NDUFA9: variants seen among roughly 807,000 people sequenced by gnomAD.
NDUFA9 encodes the protein NADH:ubiquinone oxidoreductase subunit A9, also known as NADH dehydrogenase [ubiquinone] 1 alpha subcomplex subunit 9, mitochondrial.
NDUFA9 carries 23 observed loss-of-function variants against 45.9 expected under a neutral mutation model. The observed-to-expected ratio is 0.50, with a 90% CI of 0.36 to 0.71. The LOEUF (loss-of-function observed/expected upper bound fraction) is 0.71, where lower values mean the gene tolerates loss of function less well. Ranked by LOEUF, NDUFA9 falls within the 30% of genes least tolerant of loss-of-function variation. The pLI, the probability that NDUFA9 is intolerant of heterozygous loss-of-function variation, is 0.00. For missense variants in NDUFA9, 466 were observed against 488.2 expected (o/e 0.95, Z 0.43); for synonymous variants, 176 against 170.5 (o/e 1.03, Z -0.25).
At chr12:4,676,493 A>G (rs890723935) in intron 8 of NDUFA9, among the ~76,000 whole-genome samples, 2 of 152,230 alleles carry the variant, frequency 1.3e-5, no homozygotes, top group African/African-American at 4.8e-5. Context: ...CCATACACCA[A>G]TAACAGACAA....
At chr12:4,685,517 C>T (rs967188028) in intron 10 of NDUFA9, among the ~76,000 whole-genome samples, 192 bp downstream of exon 10, 34 of 152,072 alleles carry the variant, frequency 2.2e-4, no homozygotes, top group Admixed American at 1.5e-3. Flanking sequence ...ACTTTCTGTC[C>T]GTCATTATCA....
chr12:4,682,179 A>G, intron 8 of NDUFA9, 26 bp from the exon 9 acceptor site: 1 of 1,523,104 alleles, frequency 6.6e-7, no homozygotes, highest in Non-Finnish European at 9.0e-7. Context: ...GTGTAATTGA[A>G]AGAACTGTGT....
intron 4 of NDUFA9, among the ~76,000 whole-genome samples, chr12:4,658,136 G>C (rs1283222049): frequency 6.6e-6 from 1 of 152,166 alleles, no homozygotes; most frequent in East Asian, 1.9e-4. Context: ...TTAAGAAATA[G>C]GATTTTGCCT....
intron 4 of NDUFA9, 87 bp from the exon 5 acceptor site, chr12:4,658,949 A>G: frequency 1.5e-6 from 2 of 1,319,690 alleles, no homozygotes; most frequent in Non-Finnish European, 2.1e-6. Context: ...GAATTTCAGT[A>G]CTGTTATGAA....
intron 8 of NDUFA9, 67 bp downstream of exon 8, chr12:4,669,884 T>A: frequency 1.8e-6 from 2 of 1,131,344 alleles, no homozygotes; most frequent in Non-Finnish European, 2.7e-6. Flanking sequence ...CTAAATTAGT[T>A]ACTAACAGAT....
intron 8 of NDUFA9, among the ~76,000 whole-genome samples, chr12:4,678,584 A>G (rs1318014012): frequency 6.6e-6 from 1 of 152,224 alleles, no homozygotes; most frequent in African/African-American, 2.4e-5. Context: ...GAATATACAA[A>G]GAAATCTTAG....
At chr12:4,679,992 A>G (rs750235773) in intron 8 of NDUFA9, among the ~76,000 whole-genome samples, 27 of 152,230 alleles carry the variant, frequency 1.8e-4, no homozygotes, top group South Asian at 2.1e-4. Flanking sequence ...CATTTCTTCA[A>G]CTTTAACAAG....
intron 2 of NDUFA9, 117 bp from the exon 3 acceptor site, chr12:4,654,708 C>A: frequency 1.0e-6 from 1 of 993,328 alleles, no homozygotes; most frequent in Non-Finnish European, 1.5e-6. Context: ...TTCTTTTTGT[C>A]AAATATAATA....
Position 4,654,339 on chromosome 12 carries a change from T to C in NDUFA9, c.97T>C (p.Cys33Arg), listed in dbSNP as rs1392307506. 2 of 1,614,070 alleles carry C rather than the reference T, an allele frequency of 1.2e-6. No homozygotes were observed. The highest frequency in any genetic ancestry group is 2.2e-5 in the East Asian group (1 of 44,896). Residue 33 changes from cysteine to arginine, a missense_variant, in exon 2 of 11, where the codon TGT becomes CGT. By Grantham distance (180) the Cys-to-Arg change is radical. Coordinates refer to ENST00000266544, the MANE Select transcript of NDUFA9 (RefSeq NM_005002.5). Reference protein sequence around the residue: ...IATSVCHGPPCRQLHHALMPH... With the variant: ...IATSVCHGPPRRQLHHALMPH... ...CACATCTGTGTGTCACGGCCCACCC[T>C]GTCGCCAGCTTCATCATGCCCTCAT...
At chr12:4,654,571 C>G (rs1945778418) in intron 2 of NDUFA9, 109 bp downstream of exon 2, 1 of 1,283,586 alleles carries the variant, frequency 7.8e-7, no homozygotes, top group Non-Finnish European at 1.1e-6. Flanking sequence ...TGAATTACTC[C>G]TGTCTTGGAT....
At chr12:4,657,903 T>A in intron 4 of NDUFA9, 64 bp downstream of exon 4, 2 of 1,275,168 alleles carry the variant, frequency 1.6e-6, no homozygotes, top group Non-Finnish European at 2.3e-6. Context: ...GGACCTTCGC[T>A]GGGCACCTTT....
intron 8 of NDUFA9, among the ~76,000 whole-genome samples, chr12:4,670,387 C>A (rs897598609): frequency 2.0e-5 from 3 of 152,168 alleles, no homozygotes; most frequent in Admixed American, 2.0e-4. Context: ...AACTAAAAGT[C>A]AAAAACTAAG....
At chr12:4,666,683 A>T (rs1418364748) in intron 6 of NDUFA9, among the ~76,000 whole-genome samples, 3 of 152,218 alleles carry the variant, frequency 2.0e-5, no homozygotes, top group Non-Finnish European at 4.4e-5. Context: ...TTGACCATAT[A>T]TGCAAGAGTT....
intron 5 of NDUFA9, among the ~76,000 whole-genome samples, chr12:4,662,148 C>A (rs533813956): frequency 6.6e-6 from 1 of 152,354 alleles, no homozygotes; most frequent in South Asian, 2.1e-4. Context: ...ACTGGTGACA[C>A]TTCCATTATT....
rs1945808230 is a variant in NDUFA9 at position 4,659,084 on chromosome 12, T to C, written c.459T>C (p.Ala153=). The C allele has an allele frequency of 6.2e-7, 1 of 1,613,104 alleles. No individual in the cohort carries two copies. The highest frequency in any genetic ancestry group is 1.3e-5 in the African/African-American group (1 of 74,892). The stretch of plus-strand genomic sequence containing the variant: ...TTGTGAAGATTCCCCAAGCAATTGC[T>C]CAACTGTCCAAGGAAGCTGGAGTTG... ...DVFVKIPQAI[A]QLSKEAGVEK... Residue 153 remains alanine (A), a synonymous_variant, in exon 5 of 11, where the codon GCT becomes GCC. Transcript: ENST00000266544.
At chr12:4,659,261 T>G in intron 5 of NDUFA9, 84 bp downstream of exon 5, 1 of 1,228,038 alleles carries the variant, frequency 8.1e-7, no homozygotes. Flanking sequence ...TGAGAAGGGT[T>G]TATCACAGAC....
rs1006986410 is a variant in NDUFA9 at position 4,650,355 on chromosome 12, T to G, written c.49+1180T>G. 7.9e-5 allele frequency among the ~76,000 whole-genome samples: 12 copies of G among 152,342 alleles called. 1 individual carries two copies. The highest frequency in any genetic ancestry group is 2.9e-4 in the African/African-American group (12 of 41,582). ...GTCACAATGTCTTTGCAAAGACATT[T>G]GCTGGTTCTTGTTAAACTATTACAA... On this transcript the variant is annotated intron_variant, in intron 1 of 10. Coordinates refer to ENST00000266544, the MANE Select transcript of NDUFA9 (RefSeq NM_005002.5).
chr12:4,680,567 T>C (rs1355841423), intron 8 of NDUFA9, among the ~76,000 whole-genome samples: 1 of 152,214 alleles, frequency 6.6e-6, no homozygotes, highest in Non-Finnish European at 1.5e-5. Context: ...GGAAACCTAT[T>C]ATGTAGAGTT....
chr12:4,676,024 A>G (rs1253354507), intron 8 of NDUFA9, among the ~76,000 whole-genome samples: 1 of 152,268 alleles, frequency 6.6e-6, no homozygotes, highest in Non-Finnish European at 1.5e-5. Flanking sequence ...TCACATAAAC[A>G]GAACCAATGA....
Sources: allele counts gnomAD v4.1 joint callset (sites outside exome capture counted in the v4.1 genomes callset), GRCh38; gene constraint gnomAD v4.1.1; transcripts MANE v1.5; gene names NCBI Gene and HGNC (gene_info 2026-07-23, HGNC 2026-07-21).